Variants in CSTPP1 observed in about 807,000 individuals in gnomAD.
The protein encoded by CSTPP1 is UPF0705 protein C11orf49.
chr11:47,158,212 G>A, the CSTPP1 span, among the ~76,000 whole-genome samples: 1 of 152,184 alleles, frequency 6.6e-6, no homozygotes, highest in African/African-American at 2.4e-5. Flanking sequence ...CTCTGCTTTG[G>A]GGAGCAGCCT....
chr11:46,960,624 G>A, the CSTPP1 span, among the ~76,000 whole-genome samples: 1 of 152,174 alleles, frequency 6.6e-6, no homozygotes. Context: ...GCCGAGGTGG[G>A]TAAATGACCT....
At chr11:47,160,455 GT>G in the CSTPP1 span, 2 of 152,402 alleles carry the variant, frequency 1.3e-5, no homozygotes, top group African/African-American at 4.8e-5. Flanking sequence ...AGATACACTG[GT>G]TGACGCGTCA....
At chr11:47,055,133 A>G in the CSTPP1 span, among the ~76,000 whole-genome samples, 34 of 150,728 alleles carry the variant, frequency 2.3e-4, no homozygotes, top group African/African-American at 8.0e-4. Flanking sequence ...GGGTTTCGCT[A>G]TGTTATCCAG....
chr11:47,128,975 G>A, the CSTPP1 span, among the ~76,000 whole-genome samples: 1 of 152,132 alleles, frequency 6.6e-6, no homozygotes, highest in Non-Finnish European at 1.5e-5. Flanking sequence ...GGTTGAGTGA[G>A]GTATATCACC....
the CSTPP1 span, among the ~76,000 whole-genome samples, chr11:47,044,262 C>T: frequency 6.6e-6 from 1 of 152,138 alleles, no homozygotes; most frequent in African/African-American, 2.4e-5. Context: ...GCTGGGATTA[C>T]AGGTGTGAGC....
At chr11:47,054,967 GT>G in the CSTPP1 span, among the ~76,000 whole-genome samples, 1 of 79,968 alleles carries the variant, frequency 1.3e-5, no homozygotes, top group Admixed American at 1.6e-4. Flanking sequence ...TGGAGACAGG[GT>G]TTTACTCTGT....
chr11:47,041,865 G>T, the CSTPP1 span: 1 of 354,038 alleles, frequency 2.8e-6, no homozygotes, highest in Admixed American at 3.9e-5. Flanking sequence ...TCTTTCCCAT[G>T]CCACCTTTGC....
the CSTPP1 span, chr11:46,947,917 G>A: frequency 2.5e-6 from 1 of 399,156 alleles, no homozygotes; most frequent in Non-Finnish European, 5.0e-6. Flanking sequence ...CTGCATTAGG[G>A]CCCATTGCCA....
chr11:47,055,863 A>T, the CSTPP1 span, among the ~76,000 whole-genome samples: 10 of 152,218 alleles, frequency 6.6e-5, no homozygotes, highest in African/African-American at 2.2e-4. Context: ...TAAATGCACT[A>T]ATAGGCAAAA....
At chr11:47,040,101 A>T in the CSTPP1 span, among the ~76,000 whole-genome samples, 3 of 128,406 alleles carry the variant, frequency 2.3e-5, 1 homozygote, top group South Asian at 7.5e-4. Flanking sequence ...CTAAAGAATC[A>T]AAGTTAACAT....
the CSTPP1 span, among the ~76,000 whole-genome samples, chr11:47,077,840 T>C: frequency 2.6e-5 from 4 of 152,104 alleles, no homozygotes; most frequent in African/African-American, 9.7e-5. Context: ...CAACCTTCAG[T>C]TGGAGAATTA....
At chr11:46,973,775 G>GGTGTGT in the CSTPP1 span, among the ~76,000 whole-genome samples, 6 of 57,640 alleles carry the variant, frequency 1.0e-4, no homozygotes, top group East Asian at 4.8e-4. Flanking sequence ...TATACTGGAG[G>GGTGTGT]GTGTATGTGT....
the CSTPP1 span, among the ~76,000 whole-genome samples, chr11:47,140,378 C>T: frequency 5.3e-5 from 8 of 150,994 alleles, no homozygotes; most frequent in East Asian, 1.2e-3. Context: ...TTTCCATGAT[C>T]GTTCCCCTTT....
chr11:47,116,600 G>C, the CSTPP1 span, among the ~76,000 whole-genome samples: 1 of 145,032 alleles, frequency 6.9e-6, no homozygotes. Flanking sequence ...TTTGATCTTT[G>C]TTGGTTTAAA....
chr11:47,067,287 T>G, the CSTPP1 span, among the ~76,000 whole-genome samples: 1 of 152,184 alleles, frequency 6.6e-6, no homozygotes, highest in Admixed American at 6.5e-5. Flanking sequence ...TCAGCTAGTT[T>G]AAAAATTTTA....
the CSTPP1 span, among the ~76,000 whole-genome samples, chr11:46,985,583 C>G: frequency 6.6e-6 from 1 of 152,150 alleles, no homozygotes; most frequent in Non-Finnish European, 1.5e-5. Flanking sequence ...CAGGAAACCT[C>G]TGTCATACCT....
chr11:47,002,535 TGGTCCCTTGAC>T, the CSTPP1 span, among the ~76,000 whole-genome samples: 1 of 152,190 alleles, frequency 6.6e-6, no homozygotes. Flanking sequence ...CACAGCCCAC[TGGTCCCTTGAC>T]TCGTTTAGAA....
the CSTPP1 span, chr11:47,155,229 T>G: frequency 1.2e-6 from 2 of 1,614,020 alleles, no homozygotes; most frequent in Non-Finnish European, 1.7e-6. Flanking sequence ...TCAGATTTCC[T>G]CTTTGCCTTC....
the CSTPP1 span, among the ~76,000 whole-genome samples, chr11:47,017,615 T>C: frequency 6.6e-6 from 1 of 152,156 alleles, no homozygotes; most frequent in African/African-American, 2.4e-5. Flanking sequence ...TCCATCACTA[T>C]AGTTTTGTCT....
Sources: gnomAD v4.1 joint callset for allele counts (sites outside exome capture counted in the v4.1 genomes callset) on GRCh38, gnomAD v4.1.1 for gene constraint, MANE v1.5 for transcripts, NCBI Gene and HGNC (gene_info 2026-07-23, HGNC 2026-07-21) for gene names.